NFASC: variants seen among roughly 807,000 people sequenced by gnomAD.
NFASC encodes the protein neurofascin homolog.
In NFASC, 43 loss-of-function variants were observed where a neutral mutation model predicts 147.5. That is an observed-to-expected ratio of 0.29 (90% CI 0.23 to 0.38). NFASC has a LOEUF of 0.38. Among genes scored for constraint, NFASC ranks in the 10% least tolerant of loss-of-function variants. NFASC has a pLI of 1.00. For synonymous variants in NFASC, 622 were observed against 665.5 expected (o/e 0.93, Z 1.01); for missense variants, 1,320 against 1,689.0 (o/e 0.78, Z 3.83).
chr1:204,941,257 G>A (rs2093346320), intron 2 of NFASC, among the ~76,000 whole-genome samples: 3 of 152,194 alleles, frequency 2.0e-5, no homozygotes, highest in Admixed American at 2.0e-4. Context: ...TTTTCCTCTT[G>A]TAAGGTTTTG....
At chr1:204,902,065 G>T (rs761397671) in intron 1 of NFASC, among the ~76,000 whole-genome samples, 2 of 152,144 alleles carry the variant, frequency 1.3e-5, no homozygotes, top group Admixed American at 6.5e-5. Flanking sequence ...AGGCCGAGGC[G>T]GGAGGATTGC....
chr1:204,887,182 C>T (rs1327252565), intron 1 of NFASC, among the ~76,000 whole-genome samples: 2 of 152,100 alleles, frequency 1.3e-5, no homozygotes, highest in East Asian at 1.9e-4. Context: ...ACCTGGGAAC[C>T]GTCATTCTGC....
chr1:204,934,314 T>C (rs1041146349), intron 2 of NFASC, among the ~76,000 whole-genome samples: 8 of 152,188 alleles, frequency 5.3e-5, no homozygotes, highest in African/African-American at 1.4e-4. Flanking sequence ...GGACACTTTT[T>C]ATATACAGAA....
rs117016244 is a variant in NFASC at position 205,012,410 on chromosome 1, G to A, written c.3422-387G>A. On this transcript the variant is annotated intron_variant, in intron 28 of 29. Coordinates refer to ENST00000339876, the MANE Select transcript of NFASC (RefSeq NM_001005388.3). ...CCTTCTGTGATAGGCATGAAAAAACGTCCACAAATAGTTACACCACAGAGC... is the reference window on the plus strand; with the variant it reads ...CCTTCTGTGATAGGCATGAAAAAACATCCACAAATAGTTACACCACAGAGC... Among the ~76,000 whole-genome samples the A allele has an allele frequency of 7.9e-4, 120 of 152,320 alleles. 3 individuals are homozygous for A. The East Asian group carries it at 0.011, about 14-fold the overall frequency.
intron 1 of NFASC, among the ~76,000 whole-genome samples, chr1:204,898,495 C>T (rs2083838235): frequency 6.6e-6 from 1 of 152,098 alleles, no homozygotes; most frequent in Non-Finnish European, 1.5e-5. Context: ...TGAGGAAGAA[C>T]TTTTTATTTT....
chr1:204,934,886 C>T (rs772510878), intron 2 of NFASC, among the ~76,000 whole-genome samples: 7 of 152,200 alleles, frequency 4.6e-5, no homozygotes, highest in Non-Finnish European at 8.8e-5. Context: ...GCACTGTGGA[C>T]GGGAGGAGGA....
At chr1:204,936,090 G>A (rs2092797579) in intron 2 of NFASC, among the ~76,000 whole-genome samples, 1 of 151,768 alleles carries the variant, frequency 6.6e-6, no homozygotes, top group African/African-American at 2.4e-5. Context: ...TTCTCCTCCT[G>A]CCCAATCCTC....
At chr1:204,933,085 T>A (rs1342441088) in intron 2 of NFASC, among the ~76,000 whole-genome samples, 2 of 152,258 alleles carry the variant, frequency 1.3e-5, no homozygotes, top group African/African-American at 4.8e-5. Context: ...CCAAAAACCT[T>A]GAGTGCTGCA....
chr1:204,997,021 G>C, intron 24 of NFASC, 149 bp from the exon 25 acceptor site: 1 of 1,237,420 alleles, frequency 8.1e-7, no homozygotes, highest in Non-Finnish European at 1.1e-6. Flanking sequence ...GCTGCGACCC[G>C]TCTGACCCAG....
At chr1:204,963,259 G>A (rs2094777890) in intron 8 of NFASC, among the ~76,000 whole-genome samples, 1 of 152,230 alleles carries the variant, frequency 6.6e-6, no homozygotes, top group Non-Finnish European at 1.5e-5. Flanking sequence ...CAAGGAATCA[G>A]GGGACCTTTG....
intron 1 of NFASC, among the ~76,000 whole-genome samples, chr1:204,848,954 A>G (rs1013170043): frequency 6.6e-6 from 1 of 152,278 alleles, no homozygotes; most frequent in Non-Finnish European, 1.5e-5. Flanking sequence ...TTCAAAATAC[A>G]AAAGTCAAGT....
At chr1:204,990,875 G>A (rs115576132) in intron 23 of NFASC, among the ~76,000 whole-genome samples, 33 of 152,266 alleles carry the variant, frequency 2.2e-4, no homozygotes, top group Middle Eastern at 3.4e-3. Context: ...TCAATTCCTG[G>A]CATCATGGAG....
Position 204,979,008 on chromosome 1 carries a change from G to T in NFASC, c.1917G>T (p.Leu639=), listed in dbSNP as rs1357880016. ...DRPRDLELTD[L]AERSVRLTWI... ...CCCGGGACCTGGAGCTGACCGACCT[G>T]GCCGAGAGGAGCGTGCGGCTGACCT... is the stretch of plus-strand genomic sequence containing the variant. The change falls in exon 18 of 30, where the codon CTG becomes CTT. Residue 639 remains leucine, a synonymous_variant. Transcript: ENST00000339876. This position sits in a 1 kb window ranked among gnomAD's most constrained non-coding sequence, Gnocchi z 6.0. The T allele has an allele frequency of 1.9e-6, 3 of 1,564,264 alleles. No individual in the cohort carries two copies. The African/African-American group carries it at 4.1e-5, about 21-fold the overall frequency.
chr1:204,984,751 G>A (rs1428060208), intron 21 of NFASC, among the ~76,000 whole-genome samples: 3 of 152,184 alleles, frequency 2.0e-5, no homozygotes, highest in African/African-American at 7.2e-5. Flanking sequence ...CTGCCTGAGA[G>A]CAGTTTCTGC....
rs2095313213 is a variant in NFASC, at chr1:204,973,320, A to G, written c.1180A>G (p.Ile394Val). The change falls in exon 12 of 30, where the codon ATC becomes GTC. Residue 394 changes from isoleucine (I) to valine (V), a missense_variant. Around this residue, in one of 3 missense-constraint regions of NFASC, gnomAD observed 981 missense variants for 1,289.5 expected, o/e 0.76. Transcript: ENST00000339876. ...CCGTGAGGTGGCCGGAGACACCATC[A>G]TCTTCCGGGACACCCAGATCAGCAG... ...PNREVAGDTIIFRDTQISSRA... is the reference protein window; with the variant it reads ...PNREVAGDTIVFRDTQISSRA... The G allele has an allele frequency of 6.2e-7, 1 of 1,614,102 alleles. No individual in the cohort carries two copies. The highest frequency in any genetic ancestry group is 8.5e-7 in the Non-Finnish European group (1 of 1,180,056).
At chr1:204,867,702 G>T (rs576838095) in intron 1 of NFASC, among the ~76,000 whole-genome samples, 1 of 152,162 alleles carries the variant, frequency 6.6e-6, no homozygotes, top group South Asian at 2.1e-4. Context: ...ACTCACTGAA[G>T]CCCCTCCCCA....
intron 1 of NFASC, among the ~76,000 whole-genome samples, chr1:204,849,927 TG>T (rs2075523938): frequency 6.6e-6 from 1 of 152,122 alleles, no homozygotes; most frequent in Non-Finnish European, 1.5e-5. Flanking sequence ...TTACCTTCTG[TG>T]GGAAAAAAGC....
In NFASC at chr1:204,962,128, T is replaced by C. The variant is rs1347795717; in HGVS notation, c.706+4302T>C. On this transcript the variant is annotated intron_variant, in intron 8 of 29. Transcript: ENST00000339876. Reference sequence around the variant, plus strand: ...TACAGACCACCCTTATAATGACTCGTCCTTAAGAAACCACCCTGACATGTA... The same window carrying C: ...TACAGACCACCCTTATAATGACTCGCCCTTAAGAAACCACCCTGACATGTA... 6 of 1,613,782 alleles carry C rather than the reference T, an allele frequency of 3.7e-6. No individual in the cohort carries two copies. The East Asian group carries it at 1.3e-4, about 36-fold the overall frequency.
At chr1:204,923,374 T>TCGTCTCTCCCCTTCCCTCC (rs2090895760) in intron 2 of NFASC, among the ~76,000 whole-genome samples, 1 of 152,008 alleles carries the variant, frequency 6.6e-6, no homozygotes, top group Non-Finnish European at 1.5e-5. Flanking sequence ...AGCTCAGGCT[T>TCGTCTCTCCCCTTCCCTCC]CGTCTCTCCC....
Sources: allele counts gnomAD v4.1 joint callset (sites outside exome capture counted in the v4.1 genomes callset), GRCh38; gene constraint gnomAD v4.1.1; regional missense constraint gnomAD v4.1.1; non-coding constraint Gnocchi (gnomAD v3.1); transcripts MANE v1.5; gene names NCBI Gene and HGNC (gene_info 2026-07-23, HGNC 2026-07-21).